Variants in DRD2 observed in about 807,000 individuals in gnomAD.
DRD2 encodes the protein dopamine receptor D2, also known as D(2) dopamine receptor.
Under a neutral mutation model 38.0 loss-of-function variants are expected in DRD2, and 8 were observed. That is an observed-to-expected ratio of 0.21 (90% CI 0.12 to 0.38). The LOEUF (loss-of-function observed/expected upper bound fraction) is 0.38. Among genes scored for constraint, DRD2 ranks in the 10% least tolerant of loss-of-function variants. The probability of loss-of-function intolerance (pLI) is 1.00; values close to 1 mark genes in which losing one functional copy is unlikely to be tolerated. For synonymous variants in DRD2, 230 were observed against 238.6 expected, an observed-to-expected ratio of 0.96 and a Z score of 0.33; for missense variants, 403 against 607.7, an observed-to-expected ratio of 0.66 and a Z score of 3.54.
At chr11:113,413,503 G>A (rs1018832909) in intron 6 of DRD2, among the ~76,000 whole-genome samples, 1 of 152,212 alleles carries the variant, frequency 6.6e-6, no homozygotes, top group Non-Finnish European at 1.5e-5. Flanking sequence ...TCTTGTTTGA[G>A]GCCTTGGAGG....
intron 1 of DRD2, among the ~76,000 whole-genome samples, chr11:113,427,843 A>T (rs899073464): frequency 6.6e-6 from 1 of 152,192 alleles, no homozygotes. Context: ...ATTAGGATAC[A>T]GGGCCTTTAA....
At chr11:113,460,962 T>C (rs1309808673) in intron 1 of DRD2, among the ~76,000 whole-genome samples, 1 of 152,218 alleles carries the variant, frequency 6.6e-6, no homozygotes, top group Non-Finnish European at 1.5e-5. Context: ...CCCTCACCTA[T>C]CACAGTGAAG....
At chr11:113,470,332 C>T (rs938064618) in intron 1 of DRD2, among the ~76,000 whole-genome samples, 2 of 152,226 alleles carry the variant, frequency 1.3e-5, no homozygotes, top group African/African-American at 4.8e-5. Context: ...GGCTCCCAGA[C>T]ATCTGCAGGG....
intron 1 of DRD2, among the ~76,000 whole-genome samples, chr11:113,473,704 G>A (rs1405608900): frequency 6.6e-6 from 1 of 152,114 alleles, no homozygotes; most frequent in Non-Finnish European, 1.5e-5. Context: ...TCCAAGGCAG[G>A]GACTGAAACC....
At chr11:113,415,297 A>T (rs906015051) in intron 5 of DRD2, 124 bp downstream of exon 5, 1 of 1,268,700 alleles carries the variant, frequency 7.9e-7, no homozygotes, top group Non-Finnish European at 1.1e-6. Context: ...GGCTCCTGGG[A>T]ATTCCTTTAG....
Position 113,424,460 on chromosome 11 carries a change from C to T in DRD2, c.192G>A (p.Ala64=), listed in dbSNP as rs1435479808. Residue 64 remains alanine (A), a synonymous_variant, in exon 2 of 8, where the codon GCG becomes GCA. Coordinates refer to ENST00000362072, the MANE Select transcript of DRD2 (RefSeq NM_000795.4). ...LVCMAVSREK[A]LQTTTNYLIV... is the part of the protein sequence containing the mutation. ...TCAGGTAGTTGGTGGTGGTCTGCAG[C>T]GCCTTCTCGCGGGACACAGCCATGC... 14 of 1,614,118 alleles carry T rather than the reference C, an allele frequency of 8.7e-6. No individual in the cohort carries two copies. The highest frequency in any genetic ancestry group is 5.5e-5 in the South Asian group (5 of 91,084).
intron 2 of DRD2, 58 bp downstream of exon 2, chr11:113,424,309 G>T (rs1005255918): frequency 5.1e-6 from 8 of 1,577,280 alleles, no homozygotes; most frequent in South Asian, 1.1e-5. Context: ...AGAGTCCCCA[G>T]TGTCCAGTGC....
In DRD2 at chr11:113,415,416, G is replaced by A; in HGVS notation, c.723+5C>T. The A allele has an allele frequency of 6.2e-7, 1 of 1,609,624 alleles. No homozygotes were observed. ...CTTGGAGTTGGTTGGGGGGTGTCTT[G>A]AGACCTTTAGTGGAGCCCTCAGGTG... On this transcript the variant is annotated splice_donor_5th_base_variant and intron_variant, in intron 5 of 7. Coordinates refer to ENST00000362072, the MANE Select transcript of DRD2 (RefSeq NM_000795.4).
At chr11:113,462,828 C>T (rs142696240) in intron 1 of DRD2, among the ~76,000 whole-genome samples, 10 of 152,384 alleles carry the variant, frequency 6.6e-5, no homozygotes, top group African/African-American at 2.4e-4. Flanking sequence ...ACTCCTTCAT[C>T]TATGCAACAA....
intron 2 of DRD2, among the ~76,000 whole-genome samples, chr11:113,422,736 G>C (rs920767650): frequency 1.3e-5 from 2 of 152,142 alleles, no homozygotes; most frequent in African/African-American, 4.8e-5. Flanking sequence ...TTGGGCCCGG[G>C]GTGGTGGTGA....
At chr11:113,460,808 G>A (rs1169695162) in intron 1 of DRD2, among the ~76,000 whole-genome samples, 1 of 152,204 alleles carries the variant, frequency 6.6e-6, no homozygotes, top group East Asian at 1.9e-4. Flanking sequence ...CAGAGAAACT[G>A]GGAGGCTCCA....
intron 1 of DRD2, among the ~76,000 whole-genome samples, chr11:113,452,451 TGTGTGTGTGTGTGTGTGTGCGC>T (rs1951219927): frequency 2.1e-5 from 2 of 95,520 alleles, no homozygotes; most frequent in South Asian, 7.5e-4. Flanking sequence ...TGTGTGTGTG[TGTGTGTGTGTGTGTGTGTGCGC>T]GCGCGCGCGC....
At chr11:113,453,342 T>C (rs970866256) in intron 1 of DRD2, among the ~76,000 whole-genome samples, 5 of 152,204 alleles carry the variant, frequency 3.3e-5, no homozygotes, top group Admixed American at 6.5e-5. Context: ...GATTGAGTTG[T>C]TGTAAATTTT....
intron 1 of DRD2, among the ~76,000 whole-genome samples, chr11:113,469,158 G>A (rs1951398089): frequency 6.6e-6 from 1 of 152,058 alleles, no homozygotes; most frequent in Non-Finnish European, 1.5e-5. Flanking sequence ...CAGGTTGGAA[G>A]GCTTAGTTGA....
intron 1 of DRD2, among the ~76,000 whole-genome samples, chr11:113,454,650 C>G (rs1951250639): frequency 6.6e-6 from 1 of 152,190 alleles, no homozygotes. Context: ...CTCCCTGGAC[C>G]AGGCACACCC....
chr11:113,468,721 G>A (rs755898331), intron 1 of DRD2, among the ~76,000 whole-genome samples: 1 of 152,012 alleles, frequency 6.6e-6, no homozygotes, highest in Non-Finnish European at 1.5e-5. Flanking sequence ...ATTTTTTTGT[G>A]TGTTTTAGTA....
intron 1 of DRD2, among the ~76,000 whole-genome samples, chr11:113,439,195 G>A (rs978112421): frequency 6.6e-6 from 1 of 152,176 alleles, no homozygotes; most frequent in Non-Finnish European, 1.5e-5. Flanking sequence ...ATGCATCTGT[G>A]AGCCTTAATG....
At chr11:113,445,782 T>C (rs575528740) in intron 1 of DRD2, among the ~76,000 whole-genome samples, 8 of 152,340 alleles carry the variant, frequency 5.3e-5, no homozygotes, top group African/African-American at 1.7e-4. Flanking sequence ...GTGCTCTCCA[T>C]GAATCCTCAT....
At chr11:113,448,185 T>C (rs4936272) in intron 1 of DRD2, among the ~76,000 whole-genome samples, 77,673 of 151,994 alleles carry the variant, frequency 0.51, 21,128 homozygotes, top group East Asian at 0.82. Context: ...GGCAGGAAGA[T>C]GCAGGAGTCT....
Sources: gnomAD v4.1 joint callset for allele counts (sites outside exome capture counted in the v4.1 genomes callset) on GRCh38, gnomAD v4.1.1 for gene constraint, MANE v1.5 for transcripts, NCBI Gene and HGNC (gene_info 2026-07-23, HGNC 2026-07-21) for gene names.